Variants in AGO2 observed in about 807,000 individuals in gnomAD.
AGO2 encodes the protein argonaute RISC catalytic component 2.
AGO2 carries 5 observed loss-of-function variants against 102.3 expected under a neutral mutation model. That is an observed-to-expected ratio of 0.05 (90% CI 0.03 to 0.10). AGO2 has a LOEUF of 0.10. AGO2 is among the 10% of genes least tolerant of loss of function. AGO2 has a pLI of 1.00. For missense variants in AGO2, 541 were observed against 1,183.7 expected (o/e 0.46, Z 7.97); for synonymous variants, 449 against 473.1 (o/e 0.95, Z 0.66).
At chr8:140,585,482 T>G (rs1173434950) in intron 1 of AGO2, among the ~76,000 whole-genome samples, 171 bp from the exon 2 acceptor site, 2 of 152,210 alleles carry the variant, frequency 1.3e-5, no homozygotes, top group Non-Finnish European at 2.9e-5. Context: ...ATAATGTACT[T>G]AAAATGTATC....
intron 17 of AGO2, 129 bp downstream of exon 17, chr8:140,535,339 C>A: frequency 2.2e-6 from 2 of 927,830 alleles, no homozygotes; most frequent in African/African-American, 1.6e-5. Context: ...CTCCCCGGTT[C>A]CCTGGTACTG....
chr8:140,561,803 GAA>G (rs1421155685), intron 4 of AGO2, among the ~76,000 whole-genome samples: 3 of 152,220 alleles, frequency 2.0e-5, no homozygotes, highest in Non-Finnish European at 4.4e-5. Context: ...GCTTTGGTTC[GAA>G]AGAGATGAAA....
chr8:140,635,753 C>CGCGGGGGGAGCGGGGCTGGGCGCGCGG, upstream of AGO2: 1 of 134,926 alleles, frequency 7.4e-6, no homozygotes, highest in African/African-American at 2.7e-5. Flanking sequence ...GGAGCGCGCT[C>CGCGGGGGGAGCGGGGCTGGGCGCGCGG]GCGGGGGGAG....
intron 10 of AGO2, among the ~76,000 whole-genome samples, chr8:140,552,287 G>C (rs1054041641): frequency 3.9e-5 from 6 of 152,216 alleles, no homozygotes; most frequent in Non-Finnish European, 7.3e-5. Flanking sequence ...GAGAAAGGCG[G>C]GCTGTGCAAA....
chr8:140,532,215 G>A (rs139801788), intron 18 of AGO2, 63 bp from the exon 19 acceptor site: 64 of 1,500,250 alleles, frequency 4.3e-5, no homozygotes, highest in Admixed American at 6.7e-5. Flanking sequence ...GAGGCAGTGC[G>A]TCGATCACTA....
intron 16 of AGO2, 36 bp from the exon 17 acceptor site, chr8:140,535,605 G>A (rs2072682808): frequency 1.2e-6 from 2 of 1,608,030 alleles, no homozygotes; most frequent in Middle Eastern, 1.7e-4. Context: ...GACACGGCCA[G>A]GGACCGGCAG....
Position 140,527,560 on chromosome 8 carries a change from C to T in AGO2, c.*4484G>A, listed in dbSNP as rs1232619422. 1 of 152,980 alleles carries T rather than the reference C, an allele frequency of 6.5e-6. No homozygotes were observed. The highest frequency in any genetic ancestry group is 1.5e-5 in the Non-Finnish European group (1 of 68,038). The allele number at this position is 152,980 out of a possible 1,614,324, so 9.5% of individuals were successfully genotyped here. A position where few individuals can be genotyped will look rare whatever the true frequency, so the allele number is the denominator to read the frequency against. ...CCATGACAAAGTCACAGGTGCACTG[C>T]ATCCGCACCGAGAAGCGTCACAGCA... On this transcript the variant is annotated 3_prime_UTR_variant, in exon 19 of 19. Coordinates refer to ENST00000220592, the MANE Select transcript of AGO2 (RefSeq NM_012154.5). This position sits in a 1 kb window ranked among gnomAD's most constrained non-coding sequence, Gnocchi z 6.0.
chr8:140,551,088 G>A (rs2072985440), intron 11 of AGO2, among the ~76,000 whole-genome samples: 1 of 152,212 alleles, frequency 6.6e-6, no homozygotes. Context: ...TGCGAGGGTG[G>A]GTCCCAGGAG....
chr8:140,575,989 C>T (rs892548946), intron 2 of AGO2, among the ~76,000 whole-genome samples: 7 of 152,064 alleles, frequency 4.6e-5, no homozygotes, highest in Admixed American at 2.0e-4. Context: ...TCACCCATCT[C>T]TTAAAAAAAA....
rs541319998 is a variant in AGO2 at position 140,581,229 on chromosome 8, C to T, written c.215+3890G>A. Among the ~76,000 whole-genome samples the T allele has an allele frequency of 1.6e-4, 25 of 152,308 alleles. No homozygotes were observed. The South Asian group carries it at 4.1e-3, about 25-fold the overall frequency. On this transcript the variant is annotated intron_variant, in intron 2 of 18. Coordinates refer to ENST00000220592, the MANE Select transcript of AGO2 (RefSeq NM_012154.5). ...ACCAGCCTGGGCAACATGGTGAAAC[C>T]CTGTCTCTACTAAACAGGCTCACGC...
In AGO2 at chr8:140,525,616, T is replaced by G. The variant is rs1413455628; in HGVS notation, c.*6428A>C. The G allele has an allele frequency of 6.6e-6, 1 of 152,156 alleles. No individual in the cohort carries two copies. The highest frequency in any genetic ancestry group is 1.5e-5 in the Non-Finnish European group (1 of 68,060). 9.4% of individuals were successfully genotyped at this position (152,156 alleles called of 1,614,324 possible). ...AGGCAATTGCTTCCAGGTAGTGACG[T>G]AGTAGAACCGCCGGGGCCAAACTCA... On this transcript the variant is annotated 3_prime_UTR_variant, in exon 19 of 19. Transcript: ENST00000220592.
chr8:140,545,898 G>A (rs2072891318), intron 13 of AGO2, among the ~76,000 whole-genome samples: 1 of 152,208 alleles, frequency 6.6e-6, no homozygotes, highest in Non-Finnish European at 1.5e-5. Context: ...TCACCAGAGG[G>A]AGCCTTCATT....
intron 10 of AGO2, among the ~76,000 whole-genome samples, chr8:140,554,918 C>G (rs1406661524): frequency 2.0e-5 from 3 of 152,218 alleles, no homozygotes; most frequent in Non-Finnish European, 4.4e-5. Context: ...TCAAGCGATC[C>G]ACCCGTCTCA....
chr8:140,618,304 A>G, intron 1 of AGO2, among the ~76,000 whole-genome samples: 1 of 150,726 alleles, frequency 6.6e-6, no homozygotes, highest in Non-Finnish European at 1.5e-5. Flanking sequence ...TAGGCAACAG[A>G]GCAAGACTCC....
intron 1 of AGO2, among the ~76,000 whole-genome samples, chr8:140,587,139 C>T (rs2073672032): frequency 6.6e-6 from 1 of 152,184 alleles, no homozygotes; most frequent in Non-Finnish European, 1.5e-5. Context: ...GACCCTATTT[C>T]TCCTAAGAAG....
chr8:140,540,936 C>T lies in AGO2; in HGVS notation c.2034+228G>A, dbSNP rs993035742. On this transcript the variant is annotated intron_variant, in intron 15 of 18. Coordinates refer to ENST00000220592, the MANE Select transcript of AGO2 (RefSeq NM_012154.5). This position sits in a 1 kb window ranked among gnomAD's most constrained non-coding sequence, Gnocchi z 5.0. ...ATCTCTTGGTCCCCAGGCCCATACC[C>T]GCCCCTCCTCCCCTCCCTCTGTCCT... Among the ~76,000 whole-genome samples the T allele has an allele frequency of 1.3e-5, 2 of 152,148 alleles. No individual in the cohort carries two copies. The highest frequency in any genetic ancestry group is 2.1e-4 in the South Asian group (1 of 4,832).
At chr8:140,625,799 T>C (rs1170317436) in intron 1 of AGO2, among the ~76,000 whole-genome samples, 1 of 152,156 alleles carries the variant, frequency 6.6e-6, no homozygotes, top group Non-Finnish European at 1.5e-5. Context: ...TGCTCTGCAC[T>C]CCTCAGGGGA....
At chr8:140,553,294 G>A (rs564626415) in intron 10 of AGO2, among the ~76,000 whole-genome samples, 2 of 152,258 alleles carry the variant, frequency 1.3e-5, no homozygotes, top group South Asian at 4.1e-4. Flanking sequence ...TGAGGTGGGA[G>A]GAACGCTTGA....
intron 3 of AGO2, among the ~76,000 whole-genome samples, chr8:140,566,652 G>A (rs1472912907): frequency 7.0e-6 from 1 of 143,016 alleles, no homozygotes; most frequent in African/African-American, 2.6e-5. Context: ...CTCAGTTAAA[G>A]AAACAGATCT....
Sources: allele counts gnomAD v4.1 joint callset (sites outside exome capture counted in the v4.1 genomes callset), GRCh38; gene constraint gnomAD v4.1.1; non-coding constraint Gnocchi (gnomAD v3.1); transcripts MANE v1.5; gene names NCBI Gene and HGNC (gene_info 2026-07-23, HGNC 2026-07-21).